Variants in RTF1 observed in about 807,000 individuals in gnomAD.
RTF1 encodes RTF1 homolog, Paf1/RNA polymerase II complex component.
A neutral mutation model predicts 95.7 loss-of-function variants in RTF1; 10 were observed. The ratio of observed to expected loss-of-function variants is 0.10; its 90% CI spans 0.06 to 0.18. The LOEUF (loss-of-function observed/expected upper bound fraction) is 0.18. RTF1 is among the 10% of genes least tolerant of loss of function. The probability of loss-of-function intolerance (pLI) is 1.00; values close to 1 mark genes in which losing one functional copy is unlikely to be tolerated. For synonymous variants in RTF1, 305 were observed against 311.8 expected (o/e 0.98, Z 0.23); for missense variants, 458 against 875.6 (o/e 0.52, Z 6.02).
intron 1 of RTF1, among the ~76,000 whole-genome samples, chr15:41,421,064 G>A (rs191743149): frequency 6.6e-6 from 1 of 152,216 alleles, no homozygotes; most frequent in East Asian, 1.9e-4. Flanking sequence ...CTCATGCCCT[G>A]TAATCTCAGC....
chr15:41,470,458 C>G (rs1032023641), intron 7 of RTF1, 66 bp downstream of exon 7: 8 of 1,554,508 alleles, frequency 5.1e-6, no homozygotes, highest in Non-Finnish European at 7.0e-6. Context: ...AGCTTGGTAT[C>G]GTTTCCAAAA....
chr15:41,463,877 G>T (rs2050865538), intron 4 of RTF1, among the ~76,000 whole-genome samples: 1 of 152,168 alleles, frequency 6.6e-6, no homozygotes, highest in Non-Finnish European at 1.5e-5. Flanking sequence ...TTTCAAGACG[G>T]AGTCTCACTC....
At chr15:41,455,943 C>T (rs769828019) in intron 3 of RTF1, among the ~76,000 whole-genome samples, 7 of 150,320 alleles carry the variant, frequency 4.7e-5, no homozygotes, top group African/African-American at 1.7e-4. Flanking sequence ...CCAGGTGCGG[C>T]GGCTCACACC....
At chr15:41,453,310 C>T (rs1404506346) in intron 3 of RTF1, among the ~76,000 whole-genome samples, 3 of 152,114 alleles carry the variant, frequency 2.0e-5, no homozygotes, top group African/African-American at 7.2e-5. Context: ...GTCTTGAATA[C>T]CCTGAGTGCC....
At chr15:41,436,742 C>T (rs981605179) in intron 1 of RTF1, among the ~76,000 whole-genome samples, 4 of 152,118 alleles carry the variant, frequency 2.6e-5, no homozygotes, top group South Asian at 2.1e-4. Flanking sequence ...TGCAGTCAGC[C>T]GAGATCGTGC....
Position 41,480,583 on chromosome 15 carries a change from T to A in RTF1, c.2029T>A (p.Ser677Thr), listed in dbSNP as rs1247285275. 6.2e-7 allele frequency: 1 copy of A among 1,612,034 alleles called. No individual in the cohort carries two copies. The highest frequency in any genetic ancestry group is 8.5e-7 in the Non-Finnish European group (1 of 1,178,522). The change falls in exon 18 of 18, where the codon TCA becomes ACA. Residue 677 changes from serine (S) to threonine (T), a missense_variant and splice_region_variant. This residue lies in a region of RTF1 where 50 missense variants were observed against 100.0 expected (regional missense o/e 0.50). Transcript: ENST00000389629. ...KIDLQVPSSE[S>T]KALAITSKAP... The stretch of plus-strand genomic sequence containing the variant: ...CAACTTGCTCTTCTTTCCCACAGAG[T>A]CAAAGGCTTTAGCCATCACCTCCAA...
chr15:41,438,061 C>G (rs928484438), intron 1 of RTF1, among the ~76,000 whole-genome samples: 1 of 152,130 alleles, frequency 6.6e-6, no homozygotes, highest in Non-Finnish European at 1.5e-5. Context: ...TGGGGATAGC[C>G]TCCAGTTTGG....
chr15:41,417,740 G>A (rs2050579062), intron 1 of RTF1, among the ~76,000 whole-genome samples: 1 of 152,212 alleles, frequency 6.6e-6, no homozygotes, highest in Admixed American at 6.5e-5. Context: ...GGGGGCGAGG[G>A]CCAAGAAGAT....
intron 4 of RTF1, among the ~76,000 whole-genome samples, chr15:41,464,183 T>C (rs1349889264): frequency 6.6e-6 from 1 of 151,186 alleles, no homozygotes; most frequent in African/African-American, 2.4e-5. Flanking sequence ...TGAGATGGAA[T>C]CTCACTCTGT....
chr15:41,480,189 A>G, intron 16 of RTF1, 25 bp from the exon 17 acceptor site: 1 of 1,449,086 alleles, frequency 6.9e-7, no homozygotes, highest in Non-Finnish European at 9.7e-7. Context: ...TGCTCTTACC[A>G]TTAGCTTTCC....
intron 8 of RTF1, among the ~76,000 whole-genome samples, chr15:41,472,516 A>T (rs1434454093): frequency 7.0e-6 from 1 of 142,526 alleles, no homozygotes; most frequent in Non-Finnish European, 1.5e-5. Flanking sequence ...CTTATTTTTA[A>T]TTTTTTGTTT....
rs554520293 is a variant in RTF1 at position 41,441,710 on chromosome 15, G to A, written c.309+3279G>A. ...GCACGTATTGGAGAAAAAGCTGACAGCAAGCTCCACCCTGCCCAGCAAGAA... is the reference window on the plus strand; with the variant it reads ...GCACGTATTGGAGAAAAAGCTGACAACAAGCTCCACCCTGCCCAGCAAGAA... On this transcript the variant is annotated intron_variant, in intron 2 of 17. Transcript: ENST00000389629. Among the ~76,000 whole-genome samples, 9 of 152,268 alleles carry A rather than the reference G, an allele frequency of 5.9e-5. No individual in the cohort carries two copies. In the East Asian group the frequency reaches 1.7e-3, roughly 29 times the overall value.
chr15:41,449,524 A>G (rs2050780127), intron 2 of RTF1, among the ~76,000 whole-genome samples: 1 of 151,962 alleles, frequency 6.6e-6, no homozygotes, highest in Non-Finnish European at 1.5e-5. Context: ...ATTTCCTTAA[A>G]TAGAGGTGGG....
At chr15:41,425,177 C>T (rs1566835219) in intron 1 of RTF1, among the ~76,000 whole-genome samples, 1 of 152,146 alleles carries the variant, frequency 6.6e-6, no homozygotes, top group Non-Finnish European at 1.5e-5. Flanking sequence ...GTCTCTGCCA[C>T]TGCAAGCTTC....
chr15:41,466,745 T>A (rs2050882478), intron 6 of RTF1, among the ~76,000 whole-genome samples: 1 of 152,258 alleles, frequency 6.6e-6, no homozygotes, highest in South Asian at 2.1e-4. Flanking sequence ...TGTTAATACG[T>A]CCCTTAAGGC....
chr15:41,452,914 G>C lies in RTF1; in HGVS notation c.323G>C (p.Ser108Thr). 6.2e-7 allele frequency: 1 copy of C among 1,603,788 alleles called. No individual in the cohort carries two copies. The highest frequency in any genetic ancestry group is 2.2e-5 in the East Asian group (1 of 44,804). ...SDSDDEWTFG[S>T]NKNKKKGKAR... ...TTCTCCTTATAGTGGACATTTGGGA[G>C]CAATAAAAATAAGAAGAAAGGAAAA... is the stretch of plus-strand genomic sequence containing the variant. The change falls in exon 3 of 18, where the codon AGC becomes ACC. Residue 108 changes from serine (S) to threonine (T), a missense_variant. Ser to Thr is a moderately conservative substitution (Grantham distance 58). Around this residue, in one of 11 missense-constraint regions of RTF1, gnomAD observed 44 missense variants for 99.5 expected, o/e 0.44. Transcript: ENST00000389629.
chr15:41,445,111 AT>A (rs2050754330), intron 2 of RTF1, among the ~76,000 whole-genome samples: 1 of 150,906 alleles, frequency 6.6e-6, no homozygotes, highest in Admixed American at 6.6e-5. Flanking sequence ...TTTTTTTTGT[AT>A]TTTTAGTAGA....
intron 2 of RTF1, among the ~76,000 whole-genome samples, chr15:41,448,361 A>C (rs887650917): frequency 6.6e-6 from 1 of 152,060 alleles, no homozygotes; most frequent in East Asian, 1.9e-4. Context: ...TAAAAAAATA[A>C]AATTTAAAAA....
intron 2 of RTF1, among the ~76,000 whole-genome samples, chr15:41,447,192 A>C (rs1479132282): frequency 1.3e-5 from 2 of 152,208 alleles, no homozygotes; most frequent in South Asian, 4.1e-4. Context: ...AATGGTTTCT[A>C]TGCTGGGTCC....
Sources: gnomAD v4.1 joint callset for allele counts (sites outside exome capture counted in the v4.1 genomes callset) on GRCh38, gnomAD v4.1.1 for gene constraint, gnomAD v4.1.1 regional missense constraint, MANE v1.5 for transcripts, NCBI Gene and HGNC (gene_info 2026-07-23, HGNC 2026-07-21) for gene names.